The following CEP112 variants were observed in gnomAD, a reference collection of about 807,000 sequenced individuals.
The protein encoded by CEP112 is centrosomal protein of 112 kDa.
CEP112 carries 127 observed loss-of-function variants against 153.0 expected under a neutral mutation model. The observed-to-expected ratio is 0.83, with a 90% CI of 0.72 to 0.96. The LOEUF (loss-of-function observed/expected upper bound fraction) is 0.96, where lower values mean the gene tolerates loss of function less well. Ranked by LOEUF, CEP112 falls within the 40% of genes least tolerant of loss-of-function variation. CEP112 has a pLI of 0.00. For synonymous variants in CEP112, 358 were observed against 374.4 expected, an observed-to-expected ratio of 0.96 and a Z score of 0.51; for missense variants, 1,089 against 1,101.2, an observed-to-expected ratio of 0.99 and a Z score of 0.16.
intron 12 of CEP112, among the ~76,000 whole-genome samples, chr17:66,048,347 G>C (rs1319342894): frequency 6.6e-6 from 1 of 151,830 alleles, no homozygotes; most frequent in African/African-American, 2.4e-5. Context: ...ATATATAGAA[G>C]TTCAATATAT....
chr17:66,024,514 A>G lies in CEP112; in HGVS notation c.1656+2987T>C, dbSNP rs73342700. 8.7e-3 allele frequency among the ~76,000 whole-genome samples: 1,320 copies of G among 152,238 alleles called. 23 individuals carry two copies. The highest frequency in any genetic ancestry group is 0.03 in the African/African-American group (1,247 of 41,558). ...ATGTATAAAAATCAGTAGTATTTCT[A>G]TGTATCAAAAACAAGCTGAGAACCA... is the stretch of plus-strand genomic sequence containing the variant. On this transcript the variant is annotated intron_variant, in intron 16 of 26. Transcript: ENST00000535342.
chr17:66,143,184 G>C (rs1279266842), intron 4 of CEP112, among the ~76,000 whole-genome samples: 2 of 152,150 alleles, frequency 1.3e-5, no homozygotes, highest in African/African-American at 2.4e-5. Context: ...ATTTCAAGCA[G>C]GGTCCAGAGA....
Position 65,970,037 on chromosome 17 carries a change from T to C in CEP112, c.1737-8439A>G, listed in dbSNP as rs1470574428. ...ATTGCGAACATGCACGCCACATGCA[T>C]ATTGCATGCATGCCACATCACATGT... is the stretch of plus-strand genomic sequence containing the variant. On this transcript the variant is annotated intron_variant, in intron 17 of 26. Transcript: ENST00000535342. 2.0e-5 allele frequency among the ~76,000 whole-genome samples: 3 copies of C among 152,198 alleles called. No individual in the cohort carries two copies. The East Asian group carries it at 5.8e-4, about 29-fold the overall frequency.
intron 23 of CEP112, among the ~76,000 whole-genome samples, chr17:65,738,424 T>C (rs1312853750): frequency 6.6e-6 from 1 of 152,200 alleles, no homozygotes; most frequent in African/African-American, 2.4e-5. Flanking sequence ...TTTACTCTAG[T>C]TTCTTTTGTC....
intron 16 of CEP112, among the ~76,000 whole-genome samples, chr17:66,023,220 T>C (rs928764489): frequency 3.9e-5 from 6 of 151,944 alleles, no homozygotes; most frequent in Non-Finnish European, 8.8e-5. Flanking sequence ...CAACAAACAC[T>C]AGAAAAAGAT....
At chr17:65,920,967 T>A (rs1346475476) in intron 19 of CEP112, among the ~76,000 whole-genome samples, 4 of 152,174 alleles carry the variant, frequency 2.6e-5, no homozygotes, top group African/African-American at 4.8e-5. Flanking sequence ...TCATTTTTTT[T>A]AATCCTACAT....
chr17:66,020,258 A>C (rs533633877), intron 16 of CEP112, among the ~76,000 whole-genome samples: 1 of 152,372 alleles, frequency 6.6e-6, no homozygotes, highest in South Asian at 2.1e-4. Context: ...ATTATGAAAA[A>C]GTATGTCCAT....
intron 20 of CEP112, among the ~76,000 whole-genome samples, chr17:65,901,711 A>G (rs16962970): frequency 0.018 from 2,782 of 152,226 alleles, 93 homozygotes; most frequent in African/African-American, 0.064. Flanking sequence ...TAGTCTAATG[A>G]AAACAGCAAC....
intron 16 of CEP112, among the ~76,000 whole-genome samples, chr17:66,020,973 G>A (rs1265370305): frequency 6.6e-6 from 1 of 152,120 alleles, no homozygotes; most frequent in African/African-American, 2.4e-5. Flanking sequence ...ACAGTGGCTA[G>A]GTCTGGTTGA....
In CEP112 at chr17:66,029,910, A is replaced by C; in HGVS notation, c.1332T>G (p.Cys444Trp). The change falls in exon 13 of 27, where the codon TGT (cysteine) becomes TGG (tryptophan). Residue 444 changes from cysteine (C) to tryptophan (W), a missense_variant. Cys to Trp is a radical substitution (Grantham distance 215, BLOSUM62 -2). Transcript: ENST00000535342. ...LIQEKAELER[C>W]YQITCSELQE... Reference sequence around the variant, plus strand: ...GTAATTCACTACACGTTATCTGGTAACATCTTTCAAGTTCTGCTTTTTCTT... The same window carrying C: ...GTAATTCACTACACGTTATCTGGTACCATCTTTCAAGTTCTGCTTTTTCTT... 6.2e-7 allele frequency: 1 copy of C among 1,613,876 alleles called. No homozygotes were observed. The highest frequency in any genetic ancestry group is 1.3e-5 in the African/African-American group (1 of 75,032).
At chr17:65,732,399 GCA>G (rs2050562255) in intron 23 of CEP112, among the ~76,000 whole-genome samples, 1 of 152,206 alleles carries the variant, frequency 6.6e-6, no homozygotes, top group East Asian at 1.9e-4. Context: ...AAAAGCACAG[GCA>G]GATTAGATTT....
chr17:66,136,079 G>C (rs2070424669), intron 4 of CEP112, among the ~76,000 whole-genome samples: 1 of 152,164 alleles, frequency 6.6e-6, no homozygotes, highest in African/African-American at 2.4e-5. Flanking sequence ...CAACCACACT[G>C]AAGCCAGTAG....
At chr17:66,157,656 T>C (rs2071501977) in intron 4 of CEP112, among the ~76,000 whole-genome samples, 3 of 117,288 alleles carry the variant, frequency 2.6e-5, no homozygotes, top group South Asian at 2.6e-4. Context: ...AAGACACAAA[T>C]AGGCTCAAAA....
rs56221578 is a variant in CEP112 at position 66,132,168 on chromosome 17, C to CAAAAAAAAAAAAAA, written c.564+488_564+501dup. Among the ~76,000 whole-genome samples the CAAAAAAAAAAAAAA allele has an allele frequency of 2.8e-4, 11 of 39,884 alleles. 4 individuals are homozygous for CAAAAAAAAAAAAAA. Among genetic ancestry groups the CAAAAAAAAAAAAAA allele is most frequent in the Admixed American group, 7.7e-4 (2 of 2,588 alleles). The allele number at this position is 39,884 out of a possible 152,430, so 26.2% of individuals were successfully genotyped here. On this transcript the variant is annotated intron_variant, in intron 5 of 26. Coordinates refer to ENST00000535342, the MANE Select transcript of CEP112 (RefSeq NM_001199165.4). The stretch of plus-strand genomic sequence containing the variant: ...CCTGGGCAACAGTGAGACTCCATCT[C>CAAAAAAAAAAAAAA]AAAAAAAAAAAAAAAAAAAAAAAAA...
chr17:65,936,342 A>G (rs1295786593), intron 18 of CEP112, among the ~76,000 whole-genome samples: 2 of 152,194 alleles, frequency 1.3e-5, no homozygotes, highest in African/African-American at 4.8e-5. Context: ...TCTACCAAAC[A>G]TTAGAAGAAC....
At chr17:65,873,078 CAGGCACCAGCTT>C (rs1178629419) in intron 20 of CEP112, 1 of 152,204 alleles carries the variant, frequency 6.6e-6, no homozygotes, top group Non-Finnish European at 1.5e-5. Flanking sequence ...CATGCAACTT[CAGGCACCAGCTT>C]GCACTCTCCC....
intron 11 of CEP112, among the ~76,000 whole-genome samples, chr17:66,054,465 A>G (rs1200794976): frequency 2.6e-5 from 4 of 152,220 alleles, no homozygotes; most frequent in African/African-American, 9.6e-5. Context: ...AGAGGTCTTT[A>G]TTTATAAAAA....
intron 25 of CEP112, among the ~76,000 whole-genome samples, chr17:65,640,143 T>TAC: frequency 9.7e-6 from 1 of 102,822 alleles, no homozygotes; most frequent in East Asian, 3.7e-4. Context: ...CGACCATATA[T>TAC]ATATATATAT....
intron 21 of CEP112, among the ~76,000 whole-genome samples, chr17:65,821,748 C>T (rs1189126108): frequency 9.3e-5 from 14 of 150,306 alleles, no homozygotes; most frequent in Admixed American, 2.7e-4. Context: ...GATGAGGTTT[C>T]GCCATGTTGG....
Sources: allele counts gnomAD v4.1 joint callset (sites outside exome capture counted in the v4.1 genomes callset), GRCh38; gene constraint gnomAD v4.1.1; transcripts MANE v1.5; gene names NCBI Gene and HGNC (gene_info 2026-07-23, HGNC 2026-07-21).